SRL: variants seen among roughly 807,000 people sequenced by gnomAD.
The protein encoded by SRL is sarcalumenin.
In SRL, 23 loss-of-function variants were observed where a neutral mutation model predicts 39.5. The ratio of observed to expected loss-of-function variants is 0.58; its 90% confidence interval spans 0.42 to 0.82. The LOEUF (loss-of-function observed/expected upper bound fraction) is 0.82, where lower values mean the gene tolerates loss of function less well. Among genes scored for constraint, SRL ranks in the 40% least tolerant of loss-of-function variants. The pLI, the probability that SRL is intolerant of heterozygous loss-of-function variation, is 0.00. For missense variants in SRL, 592 were observed against 607.8 expected (o/e 0.97, Z 0.27); for synonymous variants, 272 against 237.4 (o/e 1.15, Z -1.34).
intron 3 of SRL, among the ~76,000 whole-genome samples, chr16:4,199,693 C>CTTTTTTTTT (rs35631556): frequency 1.0e-5 from 1 of 96,424 alleles, no homozygotes; most frequent in Non-Finnish European, 2.0e-5. Context: ...TTTTCTTTTC[C>CTTTTTTTTT]TTTTTTTTTT....
At chr16:4,234,881 G>C (rs1266298796) in intron 1 of SRL, among the ~76,000 whole-genome samples, 4 of 152,230 alleles carry the variant, frequency 2.6e-5, no homozygotes, top group African/African-American at 7.2e-5. Context: ...TTGAGATTTA[G>C]GAACTTTGGG....
At chr16:4,200,077 G>A (rs2052206826) in intron 3 of SRL, among the ~76,000 whole-genome samples, 1 of 152,188 alleles carries the variant, frequency 6.6e-6, no homozygotes, top group Admixed American at 6.5e-5. Context: ...CTTCTCCGAG[G>A]CTAAAGCTCA....
chr16:4,196,779 G>A (rs1257651918), intron 4 of SRL, among the ~76,000 whole-genome samples: 9 of 151,780 alleles, frequency 5.9e-5, no homozygotes, highest in Admixed American at 5.3e-4. Flanking sequence ...GCGCCCAGCC[G>A]CCTACTGTCA....
At chr16:4,197,758 C>A in intron 4 of SRL, 41 bp downstream of exon 4, 1 of 1,380,878 alleles carries the variant, frequency 7.2e-7, no homozygotes, top group Non-Finnish European at 1.0e-6. Flanking sequence ...CTTTTACATA[C>A]AACATTCAAA....
At chr16:4,204,682 C>T (rs1236396573) in intron 1 of SRL, 48 bp from the exon 2 acceptor site, 1 of 1,568,932 alleles carries the variant, frequency 6.4e-7, no homozygotes, top group South Asian at 1.1e-5. Flanking sequence ...TAACAGCCAG[C>T]TGAGCTCTGG....
At chr16:4,205,547 A>C (rs780356925) in intron 1 of SRL, among the ~76,000 whole-genome samples, 11 of 142,972 alleles carry the variant, frequency 7.7e-5, no homozygotes, top group Non-Finnish European at 1.4e-4. Flanking sequence ...ACGGTCAGAG[A>C]AGGCCTCCCC....
At chr16:4,203,458 A>C (rs2052266236) in intron 2 of SRL, among the ~76,000 whole-genome samples, 197 bp from the exon 3 acceptor site, 1 of 152,062 alleles carries the variant, frequency 6.6e-6, no homozygotes, top group African/African-American at 2.4e-5. Context: ...GAAACCTCCA[A>C]ATGAAAAGGC....
intron 1 of SRL, 122 bp from the exon 2 acceptor site, chr16:4,204,756 CACTGG>C: frequency 1.3e-6 from 1 of 767,436 alleles, no homozygotes; most frequent in East Asian, 2.6e-5. Flanking sequence ...TGCCAAGTTA[CACTGG>C]ACTGAGCTCT....
At chr16:4,238,490 G>A (rs2052736652) in intron 1 of SRL, among the ~76,000 whole-genome samples, 1 of 152,198 alleles carries the variant, frequency 6.6e-6, no homozygotes, top group South Asian at 2.1e-4. Context: ...CACTGGCCAA[G>A]GAGTGGAAAG....
intron 1 of SRL, among the ~76,000 whole-genome samples, chr16:4,231,115 G>C (rs1191958030): frequency 6.6e-6 from 1 of 152,272 alleles, no homozygotes; most frequent in Non-Finnish European, 1.5e-5. Flanking sequence ...AGAAGCTCAA[G>C]ACCAGCCCAG....
At chr16:4,240,001 G>A (rs1302526807) in intron 1 of SRL, among the ~76,000 whole-genome samples, 1 of 152,188 alleles carries the variant, frequency 6.6e-6, no homozygotes, top group East Asian at 1.9e-4. Context: ...CGGGTGGTTG[G>A]TAACAGAGGG....
chr16:4,204,634 T>C lies in SRL; in HGVS notation c.62A>G (p.Glu21Gly), dbSNP rs1056406604. 6.2e-6 allele frequency: 10 copies of C among 1,612,950 alleles called. No homozygotes were observed. The highest frequency in any genetic ancestry group is 8.5e-6 in the Non-Finnish European group (10 of 1,179,114). The change falls in exon 2 of 6, where the codon GAA becomes GGA. Residue 21 changes from glutamate (E) to glycine (G), a missense_variant and splice_region_variant. Glu to Gly is a moderately conservative substitution (Grantham distance 98). Coordinates refer to ENST00000399609, the MANE Select transcript of SRL (RefSeq NM_001098814.2). ...TTCTTCATTTGCATCCTCCGTCTCT[T>C]CTGTGGAGAGAAGCAGACAGCCAAG... is the stretch of plus-strand genomic sequence containing the variant. ...LASLLFSGQA[E>G]ETEDANEEAP...
Position 4,192,889 on chromosome 16 carries a change from T to C in SRL, c.686A>G (p.Lys229Arg). The change falls in exon 6 of 6, where the codon AAG (lysine) becomes AGG (arginine). Residue 229 changes from lysine to arginine, a missense_variant. Coordinates refer to ENST00000399609, the MANE Select transcript of SRL (RefSeq NM_001098814.2). The surrounding 1 kb of genome is among the most constrained non-coding windows in gnomAD (Gnocchi z 4.0). ...CTCCAGCTCTAGACCCACATCCAGC[T>C]TTGTTGGGTCAAAGACGACAAAGAT... ...DLIFVVFDPT[K>R]LDVGLELEML... The C allele has an allele frequency of 5.6e-6, 9 of 1,614,138 alleles. No homozygotes were observed. Among genetic ancestry groups the C allele is most frequent in the Non-Finnish European group, 7.6e-6 (9 of 1,180,036 alleles).
chr16:4,234,530 A>G (rs736850), intron 1 of SRL, among the ~76,000 whole-genome samples: 12,327 of 152,232 alleles, frequency 0.081, 1,174 homozygotes, highest in African/African-American at 0.22. Context: ...AGGGAGGCTG[A>G]AAATAGATGG....
intron 1 of SRL, among the ~76,000 whole-genome samples, chr16:4,213,495 C>T (rs1370213437): frequency 1.3e-5 from 2 of 148,486 alleles, no homozygotes; most frequent in Non-Finnish European, 3.0e-5. Flanking sequence ...CTGCAGCCTC[C>T]ACCTCCTGGG....
chr16:4,217,401 G>A (rs971683439), intron 1 of SRL, among the ~76,000 whole-genome samples: 3 of 152,106 alleles, frequency 2.0e-5, no homozygotes, highest in Admixed American at 6.6e-5. Context: ...ACAGGCACGC[G>A]CCACCATGCC....
At chr16:4,198,566 C>G (rs2052179692) in intron 3 of SRL, among the ~76,000 whole-genome samples, 1 of 152,088 alleles carries the variant, frequency 6.6e-6, no homozygotes, top group Admixed American at 6.6e-5. Context: ...TTCAGCCTCC[C>G]AAGTAGTAGC....
intron 1 of SRL, among the ~76,000 whole-genome samples, chr16:4,219,251 C>CGGGG (rs1277047392): frequency 1.3e-5 from 2 of 152,268 alleles, no homozygotes; most frequent in African/African-American, 4.8e-5. Flanking sequence ...CAGCCGTAGT[C>CGGGG]TTCCCATAGG....
intron 1 of SRL, among the ~76,000 whole-genome samples, chr16:4,211,564 C>T (rs569934449): frequency 6.9e-5 from 8 of 115,310 alleles, no homozygotes; most frequent in Admixed American, 2.6e-4. Context: ...TGATGAGGAT[C>T]GTGATGATGA....
Sources: allele counts gnomAD v4.1 joint callset (sites outside exome capture counted in the v4.1 genomes callset), GRCh38; gene constraint gnomAD v4.1.1; non-coding constraint Gnocchi (gnomAD v3.1); transcripts MANE v1.5; gene names NCBI Gene and HGNC (gene_info 2026-07-23, HGNC 2026-07-21).